PSMC2: variants seen among roughly 807,000 people sequenced by gnomAD.
The protein encoded by PSMC2 is proteasome 26S subunit, ATPase 2.
In PSMC2, 7 loss-of-function variants were observed where a neutral mutation model predicts 53.3. The ratio of observed to expected loss-of-function variants is 0.13; its 90% CI spans 0.07 to 0.25. PSMC2 has a LOEUF of 0.25. Ranked by LOEUF, PSMC2 falls within the 10% of genes least tolerant of loss-of-function variation. The pLI, the probability that PSMC2 is intolerant of heterozygous loss-of-function variation, is 1.00. For synonymous variants in PSMC2, 169 were observed against 183.9 expected, an observed-to-expected ratio of 0.92 and a Z score of 0.66; for missense variants, 241 against 544.0, an observed-to-expected ratio of 0.44 and a Z score of 5.54.
chr7:103,349,951 A>G (rs1361034792), intron 1 of PSMC2, among the ~76,000 whole-genome samples: 1 of 152,116 alleles, frequency 6.6e-6, no homozygotes, highest in African/African-American at 2.4e-5. Flanking sequence ...TCCACTTAAG[A>G]GTTCTCTTAA....
In PSMC2 at chr7:103,368,222, G is replaced by C. The variant is rs1820822562; in HGVS notation, c.*168G>C. On this transcript the variant is annotated 3_prime_UTR_variant, in exon 12 of 12. Transcript: ENST00000292644. Reference sequence around the variant, plus strand: ...ATTTCTAATGTTATTAGGCAGAAAAGCTTGTTAGAATATATTTTGACTATT... The same window carrying C: ...ATTTCTAATGTTATTAGGCAGAAAACCTTGTTAGAATATATTTTGACTATT... 1.5e-6 allele frequency: 1 copy of C among 659,294 alleles called. No homozygotes were observed. Among genetic ancestry groups the C allele is most frequent in the Non-Finnish European group, 2.4e-6 (1 of 419,210 alleles). The allele number at this position is 659,294 out of a possible 1,614,324, so 40.8% of individuals were successfully genotyped here. A position where few individuals can be genotyped will look rare whatever the true frequency, so the allele number is the denominator to read the frequency against.
At chr7:103,362,794 C>CATT in intron 6 of PSMC2, 36 bp downstream of exon 6, 1 of 839,778 alleles carries the variant, frequency 1.2e-6, no homozygotes, top group Non-Finnish European at 1.8e-6. Context: ...AAGGCTATGT[C>CATT]TTTTTTTTTT....
At chr7:103,365,598 C>T (rs1820674734) in intron 8 of PSMC2, among the ~76,000 whole-genome samples, 2 of 152,078 alleles carry the variant, frequency 1.3e-5, no homozygotes, top group Admixed American at 6.5e-5. Flanking sequence ...CATTGCACAC[C>T]AGCCTGGGCA....
intron 1 of PSMC2, 29 bp downstream of exon 1, chr7:103,347,810 C>T: frequency 6.2e-7 from 1 of 1,612,758 alleles, no homozygotes; most frequent in Non-Finnish European, 8.5e-7. Context: ...GAGCTCGGAG[C>T]TGGGGCGGGA....
At chr7:103,354,425 A>G (rs1231385821) in intron 2 of PSMC2, among the ~76,000 whole-genome samples, 3 of 149,240 alleles carry the variant, frequency 2.0e-5, no homozygotes, top group Non-Finnish European at 3.0e-5. Context: ...CTGGAGTGCA[A>G]TGGCGCGATC....
rs1421319771 is a variant in PSMC2, at chr7:103,367,399, T to C, written c.845-14T>C. ...GTGGACTTGAAGAGCTTATCTTTCCTTTTGTCTTCTCAGGGGCTCGTTTTG... is the reference window on the plus strand; with the variant it reads ...GTGGACTTGAAGAGCTTATCTTTCCCTTTGTCTTCTCAGGGGCTCGTTTTG... On this transcript the variant is annotated splice_polypyrimidine_tract_variant and intron_variant, in intron 9 of 11. Coordinates refer to ENST00000292644, the MANE Select transcript of PSMC2 (RefSeq NM_002803.4). The surrounding 1 kb of genome is among the most constrained non-coding windows in gnomAD (Gnocchi z 6.1). The C allele has an allele frequency of 1.2e-5, 20 of 1,612,586 alleles. No individual in the cohort carries two copies. Among genetic ancestry groups the C allele is most frequent in the Non-Finnish European group, 1.6e-5 (19 of 1,179,696 alleles).
At chr7:103,352,989 C>G (rs1819809925) in intron 1 of PSMC2, 1 of 779,528 alleles carries the variant, frequency 1.3e-6, no homozygotes, top group African/African-American at 1.7e-5. Flanking sequence ...ACCACTCTGT[C>G]TATTTGCAAA....
chr7:103,360,833 C>T (rs527826719), intron 4 of PSMC2, among the ~76,000 whole-genome samples: 1 of 152,222 alleles, frequency 6.6e-6, no homozygotes, highest in African/African-American at 2.4e-5. Flanking sequence ...TTCTACTGGC[C>T]GGGTGCAATG....
At position 103,361,949 on chromosome 7, in the gene PSMC2, T is replaced by C. The variant is rs1467756078; in HGVS notation, c.291-8T>C. 1 of 1,593,634 alleles carries C rather than the reference T, an allele frequency of 6.3e-7. No individual in the cohort carries two copies. Among genetic ancestry groups the C allele is most frequent in the Non-Finnish European group, 8.5e-7 (1 of 1,174,636 alleles). On this transcript the variant is annotated splice_polypyrimidine_tract_variant and splice_region_variant and intron_variant, in intron 4 of 11. Transcript: ENST00000292644. ...TCCTTATTCTAATCAAGCTTTTTGCTGTGTTAGGTGTACAAAGATAATCAA... is the reference window on the plus strand; with the variant it reads ...TCCTTATTCTAATCAAGCTTTTTGCCGTGTTAGGTGTACAAAGATAATCAA...
At chr7:103,362,633 G>T (rs1820475638) in intron 5 of PSMC2, 53 bp from the exon 6 acceptor site, 1 of 1,523,096 alleles carries the variant, frequency 6.6e-7, no homozygotes. Flanking sequence ...AAACATAAAA[G>T]CACTTTGAAA....
At chr7:103,347,872 C>T (rs1819638879) in intron 1 of PSMC2, 91 bp downstream of exon 1, 4 of 1,414,990 alleles carry the variant, frequency 2.8e-6, no homozygotes, top group Non-Finnish European at 4.0e-6. Context: ...CCGCTCCTGG[C>T]TCTGTGCTCT....
chr7:103,350,810 T>TTA (rs961194513), intron 1 of PSMC2, among the ~76,000 whole-genome samples: 2 of 152,182 alleles, frequency 1.3e-5, no homozygotes, highest in African/African-American at 4.8e-5. Flanking sequence ...TATTTTATTT[T>TTA]TAAACTTCTT....
At position 103,368,892 on chromosome 7, in the gene PSMC2, G is replaced by A. The variant is rs1173219211; in HGVS notation, c.*838G>A. The stretch of plus-strand genomic sequence containing the variant: ...TGTTAGGCTTCTGGTCTACAGTGAG[G>A]TATTTTAAAAATAAAGGTTATATTA... On this transcript the variant is annotated 3_prime_UTR_variant, in exon 12 of 12. Coordinates refer to ENST00000292644, the MANE Select transcript of PSMC2 (RefSeq NM_002803.4). 1 of 148,288 alleles carries A rather than the reference G, an allele frequency of 6.7e-6. No homozygotes were observed. The highest frequency in any genetic ancestry group is 1.5e-5 in the Non-Finnish European group (1 of 67,424). 9.2% of individuals were successfully genotyped at this position (148,288 alleles called of 1,614,324 possible). A position where few individuals can be genotyped will look rare whatever the true frequency, so the allele number is the denominator to read the frequency against.
Position 103,367,345 on chromosome 7 carries a change from T to C in PSMC2, c.845-68T>C. ...TGATTTGAGCTGAGATTTTTGGTAC[T>C]TTCAGGTCATGCATAGTGCTACTCT... On this transcript the variant is annotated intron_variant, in intron 9 of 11. Transcript: ENST00000292644. The surrounding 1 kb of genome is among the most constrained non-coding windows in gnomAD (Gnocchi z 6.1). The C allele has an allele frequency of 6.7e-7, 1 of 1,502,632 alleles. No homozygotes were observed. The highest frequency in any genetic ancestry group is 9.2e-7 in the Non-Finnish European group (1 of 1,084,866). 93.1% of individuals were successfully genotyped at this position (1,502,632 alleles called of 1,614,324 possible).
chr7:103,353,795 C>A, intron 1 of PSMC2, 126 bp from the exon 2 acceptor site: 1 of 783,386 alleles, frequency 1.3e-6, no homozygotes, highest in Non-Finnish European at 2.1e-6. Flanking sequence ...TCATCATAAT[C>A]TTGCTTGATT....
chr7:103,350,651 G>A (rs555538457), intron 1 of PSMC2, among the ~76,000 whole-genome samples: 68 of 151,990 alleles, frequency 4.5e-4, no homozygotes, highest in African/African-American at 1.4e-3. Flanking sequence ...ACCATGCCAT[G>A]CTCATTTAAA....
At chr7:103,366,555 A>G (rs1820730112) in intron 9 of PSMC2, among the ~76,000 whole-genome samples, 1 of 152,224 alleles carries the variant, frequency 6.6e-6, no homozygotes, top group African/African-American at 2.4e-5. Flanking sequence ...TTGGTGCTCA[A>G]ACTTTCAAAT....
At chr7:103,352,725 TC>T in intron 1 of PSMC2, 1 of 708,970 alleles carries the variant, frequency 1.4e-6, no homozygotes, top group Non-Finnish European at 2.6e-6. Flanking sequence ...AAACAACTCA[TC>T]CTGGTAGATT....
chr7:103,352,757 A>C, intron 1 of PSMC2: 6 of 748,744 alleles, frequency 8.0e-6, no homozygotes, highest in Non-Finnish European at 1.5e-5. Flanking sequence ...TTATTTCACA[A>C]AAGAGAAAAC....
Sources: allele counts gnomAD v4.1 joint callset (sites outside exome capture counted in the v4.1 genomes callset), GRCh38; gene constraint gnomAD v4.1.1; non-coding constraint Gnocchi (gnomAD v3.1); transcripts MANE v1.5; gene names NCBI Gene and HGNC (gene_info 2026-07-23, HGNC 2026-07-21).